NFKB1: variants seen among roughly 807,000 people sequenced by gnomAD.
NFKB1 encodes the protein nuclear factor NF-kappa-B p105 subunit.
Under a neutral mutation model 105.1 loss-of-function variants are expected in NFKB1, and 9 were observed. That is an observed-to-expected ratio of 0.09 (90% confidence interval 0.05 to 0.15). NFKB1 has a LOEUF of 0.15. NFKB1 is among the 10% of genes least tolerant of loss of function. The pLI, the probability that NFKB1 is intolerant of heterozygous loss-of-function variation, is 1.00. For synonymous variants in NFKB1, 440 were observed against 442.2 expected, an observed-to-expected ratio of 1.00 and a Z score of 0.06; for missense variants, 830 against 1,203.7, an observed-to-expected ratio of 0.69 and a Z score of 4.59.
At chr4:102,503,256 A>T (rs1578693099) in intron 1 of NFKB1, 1 of 152,044 alleles carries the variant, frequency 6.6e-6, no homozygotes, top group East Asian at 1.9e-4. Flanking sequence ...TGGAAAGAAC[A>T]TGTACGATTA....
intron 3 of NFKB1, among the ~76,000 whole-genome samples, chr4:102,530,186 A>G (rs868590342): frequency 1.3e-5 from 2 of 152,102 alleles, no homozygotes; most frequent in South Asian, 4.2e-4. Flanking sequence ...TTTCTTTATT[A>G]TCTCTGTATT....
intron 10 of NFKB1, among the ~76,000 whole-genome samples, chr4:102,584,214 C>G (rs1725537589): frequency 6.6e-6 from 1 of 152,158 alleles, no homozygotes; most frequent in African/African-American, 2.4e-5. Flanking sequence ...TAACATACCA[C>G]CAAGAACTAA....
At chr4:102,610,359 TTCAGGTG>T (rs1338410215) in intron 19 of NFKB1, among the ~76,000 whole-genome samples, 1 of 152,248 alleles carries the variant, frequency 6.6e-6, no homozygotes, top group African/African-American at 2.4e-5. Flanking sequence ...CTTTGGCTAT[TTCAGGTG>T]TCATAAGACA....
chr4:102,555,113 A>G (rs1039174780), intron 5 of NFKB1, among the ~76,000 whole-genome samples: 9 of 152,176 alleles, frequency 5.9e-5, no homozygotes, highest in Admixed American at 3.9e-4. Flanking sequence ...CATGTACTCA[A>G]CTTTTGCTAG....
chr4:102,590,011 G>A (rs1313674525), intron 11 of NFKB1, among the ~76,000 whole-genome samples: 1 of 152,150 alleles, frequency 6.6e-6, no homozygotes, highest in Non-Finnish European at 1.5e-5. Flanking sequence ...AAGTCTCAGA[G>A]GGCATCACTG....
At chr4:102,573,783 C>G (rs1724585115) in intron 6 of NFKB1, among the ~76,000 whole-genome samples, 1 of 151,892 alleles carries the variant, frequency 6.6e-6, no homozygotes, top group Non-Finnish European at 1.5e-5. Flanking sequence ...TGCACGTTCA[C>G]CAATATTTTT....
intron 7 of NFKB1, among the ~76,000 whole-genome samples, 190 bp downstream of exon 7, chr4:102,577,229 T>TA (rs778505137): frequency 2.0e-5 from 3 of 152,178 alleles, no homozygotes; most frequent in Non-Finnish European, 4.4e-5. Context: ...TAGCCTGTCA[T>TA]ACAAAGCCCT....
intron 5 of NFKB1, among the ~76,000 whole-genome samples, chr4:102,558,461 C>T (rs1229193113): frequency 6.6e-6 from 1 of 152,100 alleles, no homozygotes; most frequent in African/African-American, 2.4e-5. Context: ...ACAGTTATCT[C>T]CACTCCTCAC....
intron 16 of NFKB1, among the ~76,000 whole-genome samples, chr4:102,604,648 G>T (rs1335505412): frequency 6.6e-6 from 1 of 151,376 alleles, no homozygotes; most frequent in Non-Finnish European, 1.5e-5. Flanking sequence ...AGAGAATCTA[G>T]TATGGGTCTT....
chr4:102,557,811 G>A (rs751173477), intron 5 of NFKB1, among the ~76,000 whole-genome samples: 8 of 152,130 alleles, frequency 5.3e-5, no homozygotes, highest in Non-Finnish European at 1.2e-4. Flanking sequence ...TTCGAAGGAT[G>A]ATTATTCGAG....
chr4:102,596,372 G>T, intron 14 of NFKB1, 40 bp downstream of exon 14: 1 of 1,543,416 alleles, frequency 6.5e-7, no homozygotes, highest in Non-Finnish European at 8.8e-7. Flanking sequence ...GGTTGGCTGG[G>T]GAGGGGTCAG....
intron 11 of NFKB1, among the ~76,000 whole-genome samples, chr4:102,586,096 A>T (rs1725689909): frequency 6.6e-6 from 1 of 152,210 alleles, no homozygotes; most frequent in South Asian, 2.1e-4. Context: ...TAGGAGGCAG[A>T]TGATGAGTCA....
chr4:102,615,000 G>T (rs4648131), intron 23 of NFKB1, among the ~76,000 whole-genome samples: 2,989 of 152,146 alleles, frequency 0.02, 91 homozygotes, highest in African/African-American at 0.061. Flanking sequence ...ACCGCCCCAG[G>T]CCAGCCTGCC....
intron 10 of NFKB1, among the ~76,000 whole-genome samples, chr4:102,584,228 GTTA>G (rs1725537959): frequency 6.6e-6 from 1 of 152,072 alleles, no homozygotes; most frequent in South Asian, 2.1e-4. Flanking sequence ...GAACTAATGT[GTTA>G]TGATGCCAAT....
In NFKB1 at chr4:102,514,935, A is replaced by G. The variant is rs1047211238; in HGVS notation, c.-7-10577A>G. 3.3e-5 allele frequency among the ~76,000 whole-genome samples: 5 copies of G among 152,118 alleles called. No homozygotes were observed. The East Asian group carries it at 5.8e-4, about 18-fold the overall frequency. ...TTTTCTTATATTTAGCATTTGCATG[A>G]TATAACTAGCCCAGTGTACCATCTT... On this transcript the variant is annotated intron_variant, in intron 1 of 23. Transcript: ENST00000226574.
intron 6 of NFKB1, among the ~76,000 whole-genome samples, chr4:102,567,649 CA>C (rs1723988436): frequency 6.6e-6 from 1 of 151,968 alleles, no homozygotes; most frequent in Non-Finnish European, 1.5e-5. Flanking sequence ...GATAAGAAGC[CA>C]AGGAATGCAA....
intron 14 of NFKB1, 136 bp from the exon 15 acceptor site, chr4:102,597,384 T>C (rs1726710556): frequency 4.4e-6 from 4 of 907,310 alleles, no homozygotes; most frequent in East Asian, 2.7e-5. Context: ...TCCAAAAGCA[T>C]TGAAAGAACA....
At chr4:102,503,947 C>G (rs1033474824) in intron 1 of NFKB1, among the ~76,000 whole-genome samples, 11 of 152,064 alleles carry the variant, frequency 7.2e-5, no homozygotes, top group Non-Finnish European at 2.9e-5. Flanking sequence ...GTGGTAGATA[C>G]GAGGTCTAGA....
At chr4:102,603,051 G>A (rs1204002574) in intron 16 of NFKB1, among the ~76,000 whole-genome samples, 1 of 152,036 alleles carries the variant, frequency 6.6e-6, no homozygotes, top group Non-Finnish European at 1.5e-5. Context: ...ATCTGCAAAG[G>A]ACACAGCACA....
Sources: gnomAD v4.1 joint callset for allele counts (sites outside exome capture counted in the v4.1 genomes callset) on GRCh38, gnomAD v4.1.1 for gene constraint, MANE v1.5 for transcripts, NCBI Gene and HGNC (gene_info 2026-07-23, HGNC 2026-07-21) for gene names.